PTPRG: variants seen among roughly 807,000 people sequenced by gnomAD.
PTPRG encodes protein tyrosine phosphatase receptor type G.
In PTPRG, 102 loss-of-function variants were observed where a neutral mutation model predicts 165.3. The ratio of observed to expected loss-of-function variants is 0.62; its 90% CI spans 0.53 to 0.73. The LOEUF (loss-of-function observed/expected upper bound fraction) is 0.73, where lower values mean the gene tolerates loss of function less well. Among genes scored for constraint, PTPRG ranks in the 30% least tolerant of loss-of-function variants. The pLI, the probability that PTPRG is intolerant of heterozygous loss-of-function variation, is 0.00. For synonymous variants in PTPRG, 675 were observed against 669.5 expected (o/e 1.01, Z -0.13); for missense variants, 1,866 against 1,861.4 (o/e 1.00, Z -0.05).
intron 1 of PTPRG, among the ~76,000 whole-genome samples, chr3:61,563,512 A>T (rs778602155): frequency 2.0e-5 from 3 of 152,044 alleles, no homozygotes; most frequent in Non-Finnish European, 4.4e-5. Context: ...GGTGGAGGCC[A>T]AGTCCTGCCC....
intron 4 of PTPRG, among the ~76,000 whole-genome samples, chr3:62,035,583 T>C (rs976795018): frequency 1.3e-5 from 2 of 152,226 alleles, no homozygotes; most frequent in Non-Finnish European, 2.9e-5. Context: ...TGAAGTCCTT[T>C]ATTATTGCAA....
chr3:61,625,516 G>A (rs1417742126), intron 1 of PTPRG, among the ~76,000 whole-genome samples: 1 of 152,048 alleles, frequency 6.6e-6, no homozygotes, highest in African/African-American at 2.4e-5. Context: ...TCGGCTCTTA[G>A]GACGCTCTTC....
At chr3:61,618,663 G>C (rs924369254) in intron 1 of PTPRG, among the ~76,000 whole-genome samples, 4 of 152,148 alleles carry the variant, frequency 2.6e-5, no homozygotes, top group African/African-American at 9.7e-5. Context: ...TTCTGTTAAA[G>C]GGGTTTAGCT....
chr3:62,284,037 T>C (rs1397072174), intron 28 of PTPRG, among the ~76,000 whole-genome samples: 4 of 152,092 alleles, frequency 2.6e-5, no homozygotes, highest in Non-Finnish European at 4.4e-5. Context: ...AACTTTGTGG[T>C]ATACAGTTAC....
At chr3:61,576,075 A>T (rs776475465) in intron 1 of PTPRG, among the ~76,000 whole-genome samples, 34 of 152,338 alleles carry the variant, frequency 2.2e-4, no homozygotes, top group Non-Finnish European at 4.7e-4. Flanking sequence ...CCCACAGCGA[A>T]TAAAGTGGCA....
intron 1 of PTPRG, among the ~76,000 whole-genome samples, chr3:61,590,109 A>G (rs568861523): frequency 1.9e-4 from 29 of 152,068 alleles, no homozygotes; most frequent in South Asian, 4.2e-4. Flanking sequence ...ATTGGGCACA[A>G]TCCTTCTCAG....
intron 2 of PTPRG, among the ~76,000 whole-genome samples, chr3:61,957,790 C>T (rs1031178605): frequency 7.9e-5 from 12 of 152,186 alleles, no homozygotes; most frequent in Non-Finnish European, 1.5e-4. Flanking sequence ...AATTCAGTTG[C>T]AGCATCCAGT....
intron 4 of PTPRG, among the ~76,000 whole-genome samples, chr3:62,020,898 C>T (rs1487001033): frequency 6.6e-6 from 1 of 150,938 alleles, no homozygotes; most frequent in Non-Finnish European, 1.5e-5. Context: ...TGATCTTCAG[C>T]CCCTGGGCTC....
At chr3:61,773,765 T>A (rs1455183778) in intron 2 of PTPRG, among the ~76,000 whole-genome samples, 1 of 149,904 alleles carries the variant, frequency 6.7e-6, no homozygotes, top group East Asian at 2.2e-4. Flanking sequence ...AGTTAAAACC[T>A]TCTCCCCCAT....
At chr3:62,000,169 T>A (rs2041135814) in intron 3 of PTPRG, among the ~76,000 whole-genome samples, 1 of 151,096 alleles carries the variant, frequency 6.6e-6, no homozygotes, top group Admixed American at 6.6e-5. Flanking sequence ...TGAGCATGGC[T>A]ACTCAGGACA....
chr3:61,835,436 C>T (rs753940817), intron 2 of PTPRG, among the ~76,000 whole-genome samples: 27 of 152,176 alleles, frequency 1.8e-4, no homozygotes, highest in Non-Finnish European at 2.9e-4. Context: ...TGGATTCAAG[C>T]GATTCTCCTG....
At chr3:62,290,435 A>T (rs1321062605) in intron 28 of PTPRG, among the ~76,000 whole-genome samples, 1 of 152,126 alleles carries the variant, frequency 6.6e-6, no homozygotes, top group Non-Finnish European at 1.5e-5. Flanking sequence ...GTGTACCAGT[A>T]AAAAATGAAA....
In PTPRG at chr3:61,580,441, C is replaced by T. The variant is rs554153097; in HGVS notation, c.85+18069C>T. ...CTGTCTCCAGGCTGGAATGTAGTGGCGTGATCTCAGCTCACTGCAACCTCT... is the reference window on the plus strand; with the variant it reads ...CTGTCTCCAGGCTGGAATGTAGTGGTGTGATCTCAGCTCACTGCAACCTCT... On this transcript the variant is annotated intron_variant, in intron 1 of 29. Coordinates refer to ENST00000474889, the MANE Select transcript of PTPRG (RefSeq NM_002841.4). Among the ~76,000 whole-genome samples, 14 of 142,484 alleles carry T rather than the reference C, an allele frequency of 9.8e-5. No homozygotes were observed. The East Asian group carries it at 1.0e-3, about 11-fold the overall frequency. The allele number at this position is 142,484 out of a possible 152,430, so 93.5% of individuals were successfully genotyped here.
intron 14 of PTPRG, among the ~76,000 whole-genome samples, chr3:62,236,309 A>G (rs990836341): frequency 6.6e-6 from 1 of 152,192 alleles, no homozygotes; most frequent in African/African-American, 2.4e-5. Context: ...TTCTTGAAAC[A>G]TTTTGCCCTA....
intron 7 of PTPRG, among the ~76,000 whole-genome samples, chr3:62,166,425 C>T (rs1704987762): frequency 6.6e-6 from 1 of 151,482 alleles, no homozygotes; most frequent in African/African-American, 2.4e-5. Flanking sequence ...CAGCCTCCGC[C>T]TCCCAGGTTC....
At chr3:61,964,878 A>G (rs1305560621) in intron 2 of PTPRG, among the ~76,000 whole-genome samples, 2 of 152,134 alleles carry the variant, frequency 1.3e-5, no homozygotes, top group South Asian at 2.1e-4. Context: ...AACGCAGTCT[A>G]GATTAGTATC....
intron 4 of PTPRG, among the ~76,000 whole-genome samples, chr3:62,020,429 A>C (rs974528653): frequency 6.6e-6 from 1 of 152,204 alleles, no homozygotes; most frequent in African/African-American, 2.4e-5. Flanking sequence ...TTTTTTCTCA[A>C]AATGCAAATT....
At chr3:62,025,942 G>A (rs537946830) in intron 4 of PTPRG, among the ~76,000 whole-genome samples, 2 of 152,250 alleles carry the variant, frequency 1.3e-5, no homozygotes, top group East Asian at 3.9e-4. Flanking sequence ...TTTTGAAAAG[G>A]TTAATGGAAA....
intron 12 of PTPRG, among the ~76,000 whole-genome samples, chr3:62,208,050 T>A (rs752878238): frequency 6.6e-6 from 1 of 152,360 alleles, no homozygotes; most frequent in South Asian, 2.1e-4. Context: ...TTTAAAAATG[T>A]AGGCCAAACT....
Sources: allele counts gnomAD v4.1 joint callset (sites outside exome capture counted in the v4.1 genomes callset), GRCh38; gene constraint gnomAD v4.1.1; transcripts MANE v1.5; gene names NCBI Gene and HGNC (gene_info 2026-07-23, HGNC 2026-07-21).